PLEKHG4B: variants seen among roughly 807,000 people sequenced by gnomAD.
The protein encoded by PLEKHG4B is pleckstrin homology domain-containing family G member 4B.
In PLEKHG4B, 111 loss-of-function variants were observed where a neutral mutation model predicts 121.3. That is an observed-to-expected ratio of 0.92 (90% CI 0.78 to 1.07). The LOEUF is 1.07. PLEKHG4B is among the 50% of genes least tolerant of loss of function. The pLI is 0.00. For synonymous variants in PLEKHG4B, 738 were observed against 725.0 expected (o/e 1.02, Z -0.29); for missense variants, 1,831 against 1,757.8 (o/e 1.04, Z -0.74).
chr5:103,299 T>TGACACA (rs1733878063), intron 1 of PLEKHG4B, among the ~76,000 whole-genome samples: 2 of 152,240 alleles, frequency 1.3e-5, no homozygotes, highest in African/African-American at 4.8e-5. Context: ...TTCCCATCTT[T>TGACACA]GTTCCTGGGC....
At chr5:128,162 G>T (rs1277969045) in intron 2 of PLEKHG4B, among the ~76,000 whole-genome samples, 1 of 152,166 alleles carries the variant, frequency 6.6e-6, no homozygotes, top group Non-Finnish European at 1.5e-5. Flanking sequence ...TCAGGACTGG[G>T]AGGGCCCGGA....
intron 6 of PLEKHG4B, among the ~76,000 whole-genome samples, chr5:151,038 G>T (rs1398233971): frequency 2.0e-5 from 3 of 152,212 alleles, no homozygotes; most frequent in Non-Finnish European, 4.4e-5. Context: ...TCCACAACAG[G>T]GATGAGTTCC....
At chr5:146,182 C>T (rs907315210) in intron 6 of PLEKHG4B, among the ~76,000 whole-genome samples, 1 of 144,342 alleles carries the variant, frequency 6.9e-6, no homozygotes, top group East Asian at 2.1e-4. Context: ...CCTCCCTCCT[C>T]TTCCTTTCCA....
In PLEKHG4B at chr5:151,557, T is replaced by TA. The variant is rs1560931945; in HGVS notation, c.1953dup (p.Glu652ArgfsTer5). On this transcript the variant is annotated frameshift_variant, in exon 7 of 20. Transcript: ENST00000637938. LOFTEE classifies it high-confidence loss of function. ...TTCATAGTATCTTGCTGTTGGTAGATAAAGAATCTGCATTTAGGCCTGACA... is the reference window on the plus strand; with the variant it reads ...TTCATAGTATCTTGCTGTTGGTAGATAAAAGAATCTGCATTTAGGCCTGACA... The TA allele has an allele frequency of 4.4e-6, 7 of 1,592,786 alleles. No individual in the cohort carries two copies. Among genetic ancestry groups the TA allele is most frequent in the Non-Finnish European group, 6.0e-6 (7 of 1,161,338 alleles).
At position 157,060 on chromosome 5, in the gene PLEKHG4B, C is replaced by A; in HGVS notation, c.2487+149C>A. On this transcript the variant is annotated intron_variant, in intron 11 of 19. Transcript: ENST00000637938. The surrounding 1 kb of genome is among the most constrained non-coding windows in gnomAD (Gnocchi z 4.6). Reference sequence around the variant, plus strand: ...TTATGTCAGGATAGGGCATGCCTTGCTGCTTGTGTAAAAAGAAATAAATTT... The same window carrying A: ...TTATGTCAGGATAGGGCATGCCTTGATGCTTGTGTAAAAAGAAATAAATTT... 9.0e-7 allele frequency: 1 copy of A among 1,108,730 alleles called. No individual in the cohort carries two copies. The highest frequency in any genetic ancestry group is 1.3e-6 in the Non-Finnish European group (1 of 758,318). 68.7% of individuals were successfully genotyped at this position (1,108,730 alleles called of 1,614,324 possible).
Position 140,429 on chromosome 5 carries a change from C to G in PLEKHG4B, c.1190C>G (p.Thr397Ser), listed in dbSNP as rs1252387598. The change falls in exon 3 of 20, where the codon ACC (threonine) becomes AGC (serine). Residue 397 changes from threonine (T) to serine (S), a missense_variant. Thr to Ser is a moderately conservative substitution (Grantham distance 58). Coordinates refer to ENST00000637938, the MANE Select transcript of PLEKHG4B (RefSeq NM_052909.5). Reference sequence around the variant, plus strand: ...GGGACTGGGGCAGTAGCCAGTGGGACCCAGGAGGAAACCTCTGGCCCCCGG... The same window carrying G: ...GGGACTGGGGCAGTAGCCAGTGGGAGCCAGGAGGAAACCTCTGGCCCCCGG... ...DLGTGAVASG[T>S]QEETSGPRGD... 1.3e-6 allele frequency: 2 copies of G among 1,565,234 alleles called. No individual in the cohort carries two copies. Among genetic ancestry groups the G allele is most frequent in the Non-Finnish European group, 1.7e-6 (2 of 1,155,796 alleles).
intron 2 of PLEKHG4B, among the ~76,000 whole-genome samples, chr5:135,605 G>T (rs1250919619): frequency 7.0e-6 from 1 of 141,966 alleles, no homozygotes; most frequent in Non-Finnish European, 1.5e-5. Flanking sequence ...GGCAGAGCTT[G>T]CAGTGAGCCG....
intron 6 of PLEKHG4B, among the ~76,000 whole-genome samples, chr5:147,614 A>G (rs1256481218): frequency 6.6e-6 from 1 of 152,196 alleles, no homozygotes; most frequent in Non-Finnish European, 1.5e-5. Context: ...AGCTTCTCTA[A>G]CACAAGGTAG....
In PLEKHG4B at chr5:182,224, C is replaced by T. The variant is rs137868539; in HGVS notation, c.4785C>T (p.Val1595=). ...GGTCATCTGATATCAGAGCCTGCGT[C>T]GAGGAAGATGAGCCAGAGCCAGAAC... ...SPWSSDIRAC[V]EEDEPEPELE... Residue 1595 remains valine, a synonymous_variant, in exon 20 of 20, where the codon GTC becomes GTT. Coordinates refer to ENST00000637938, the MANE Select transcript of PLEKHG4B (RefSeq NM_052909.5). 16 of 1,613,794 alleles carry T rather than the reference C, an allele frequency of 9.9e-6. No homozygotes were observed. Among genetic ancestry groups the T allele is most frequent in the African/African-American group, 2.7e-5 (2 of 75,046 alleles).
intron 11 of PLEKHG4B, among the ~76,000 whole-genome samples, chr5:158,876 C>T (rs1339886037): frequency 3.3e-5 from 5 of 152,210 alleles, no homozygotes; most frequent in South Asian, 2.1e-4. Context: ...TTTACTTTGG[C>T]GTTTTATGCA....
chr5:132,630 C>T (rs1734811803), intron 2 of PLEKHG4B, among the ~76,000 whole-genome samples: 1 of 152,194 alleles, frequency 6.6e-6, no homozygotes, highest in Non-Finnish European at 1.5e-5. Flanking sequence ...ATTATCCCAG[C>T]ACTATCTGTT....
rs1311959060 is a variant in PLEKHG4B, at chr5:139,974, C to T, written c.735C>T (p.Cys245=). The T allele has an allele frequency of 7.3e-6, 3 of 408,786 alleles. No homozygotes were observed. Among genetic ancestry groups the T allele is most frequent in the Non-Finnish European group, 8.6e-6 (2 of 231,902 alleles). 25.3% of individuals were successfully genotyped at this position (408,786 alleles called of 1,614,324 possible). A position where few individuals can be genotyped will look rare whatever the true frequency, so the allele number is the denominator to read the frequency against. ...CCCATTTCCAGGGAAGCGCCTCTTG[C>T]CCCGACACCCTGACCTCACCCTGCC... The part of the protein sequence containing the change: ...AGPHFQGSAS[C]PDTLTSPCRR... Residue 245 remains cysteine (C), a synonymous_variant, in exon 3 of 20, where the codon TGC becomes TGT. Transcript: ENST00000637938. This position sits in a 1 kb window ranked among gnomAD's most constrained non-coding sequence, Gnocchi z 5.0.
intron 3 of PLEKHG4B, 99 bp from the exon 4 acceptor site, chr5:142,948 G>T: frequency 8.7e-7 from 1 of 1,143,970 alleles, no homozygotes; most frequent in South Asian, 1.4e-5. Flanking sequence ...ACTTTCATGC[G>T]TGTTTTTGTC....
At chr5:175,292 C>T (rs946268303) in intron 18 of PLEKHG4B, among the ~76,000 whole-genome samples, 8 of 152,030 alleles carry the variant, frequency 5.3e-5, no homozygotes, top group African/African-American at 1.9e-4. Context: ...CAGGCCTCCT[C>T]CCTCAATGTC....
intron 18 of PLEKHG4B, chr5:179,446 C>T (rs1029761952): frequency 1.3e-5 from 2 of 152,602 alleles, no homozygotes; most frequent in African/African-American, 4.8e-5. Flanking sequence ...GCTGAGGGAC[C>T]CCCACATACT....
At chr5:144,949 T>C in intron 6 of PLEKHG4B, 29 bp downstream of exon 6, 1 of 1,596,824 alleles carries the variant, frequency 6.3e-7, no homozygotes. Flanking sequence ...ATCCCTTGGG[T>C]GTGCAGAGCA....
chr5:178,376 G>A (rs1245491950), intron 18 of PLEKHG4B, among the ~76,000 whole-genome samples: 1 of 152,170 alleles, frequency 6.6e-6, no homozygotes, highest in East Asian at 1.9e-4. Flanking sequence ...TAACAGCTTC[G>A]ATTATTTGAA....
At chr5:134,354 A>G (rs1734884891) in intron 2 of PLEKHG4B, among the ~76,000 whole-genome samples, 1 of 151,790 alleles carries the variant, frequency 6.6e-6, no homozygotes, top group South Asian at 2.1e-4. Flanking sequence ...GCGATAAAAG[A>G]CTACACATTG....
chr5:158,129 C>T (rs961421358), intron 11 of PLEKHG4B, among the ~76,000 whole-genome samples: 1 of 152,136 alleles, frequency 6.6e-6, no homozygotes, highest in African/African-American at 2.4e-5. Flanking sequence ...CCAGTCTGTG[C>T]CCTCTGTCCT....
Sources: gnomAD v4.1 joint callset for allele counts (sites outside exome capture counted in the v4.1 genomes callset) on GRCh38, gnomAD v4.1.1 for gene constraint, Gnocchi (gnomAD v3.1) non-coding constraint, MANE v1.5 for transcripts, NCBI Gene and HGNC (gene_info 2026-07-23, HGNC 2026-07-21) for gene names.